The following NR5A2 variants were observed in gnomAD, a reference collection of about 807,000 sequenced individuals.
NR5A2 encodes the protein CYP7A promoter-binding factor.
Under a neutral mutation model 62.7 loss-of-function variants are expected in NR5A2, and 26 were observed. That is an observed-to-expected ratio of 0.41 (90% CI 0.30 to 0.58). The LOEUF (loss-of-function observed/expected upper bound fraction) is 0.58, where lower values mean the gene tolerates loss of function less well. Ranked by LOEUF, NR5A2 falls within the 20% of genes least tolerant of loss-of-function variation. NR5A2 has a pLI of 0.22. For synonymous variants in NR5A2, 246 were observed against 241.7 expected (o/e 1.02, Z -0.16); for missense variants, 541 against 669.1 (o/e 0.81, Z 2.11).
In NR5A2 at chr1:200,124,524, T is replaced by C. The variant is rs774388273; in HGVS notation, c.1378+3569T>C. Among the ~76,000 whole-genome samples the C allele has an allele frequency of 3.9e-5, 6 of 152,230 alleles. No homozygotes were observed. The South Asian group carries it at 6.2e-4, about 16-fold the overall frequency. ...AATGCCCTCTCAGCACATTTCTCTG[T>C]GTATAACATCATAGATTCTGTAGGC... On this transcript the variant is annotated intron_variant, in intron 7 of 7. Coordinates refer to ENST00000367362, the MANE Select transcript of NR5A2 (RefSeq NM_205860.3).
intron 5 of NR5A2, among the ~76,000 whole-genome samples, chr1:200,106,738 C>T (rs1284700834): frequency 1.3e-5 from 2 of 152,088 alleles, no homozygotes; most frequent in Non-Finnish European, 2.9e-5. Flanking sequence ...TTTTTCTACC[C>T]ACACCCCCAT....
rs1663586918 is a variant in NR5A2 at position 200,068,282 on chromosome 1, T to G, written c.1110+19464T>G. ...TTGGATTAGAAATCAAATCCAGGGA[T>G]TTATCTACAAAATTACAGATGAGCA... is the stretch of plus-strand genomic sequence containing the variant. On this transcript the variant is annotated intron_variant, in intron 5 of 7. Transcript: ENST00000367362. 7.2e-5 allele frequency among the ~76,000 whole-genome samples: 11 copies of G among 152,176 alleles called. No homozygotes were observed. In the South Asian group the frequency reaches 2.3e-3, roughly 32 times the overall value.
At chr1:200,117,610 ATATT>A (rs541924498) in intron 6 of NR5A2, among the ~76,000 whole-genome samples, 28 of 152,330 alleles carry the variant, frequency 1.8e-4, no homozygotes, top group African/African-American at 6.5e-4. Flanking sequence ...ATACACAACA[ATATT>A]TAATTAACTC....
intron 1 of NR5A2, chr1:200,029,793 C>T (rs1661484142): frequency 6.6e-6 from 1 of 152,186 alleles, no homozygotes; most frequent in Admixed American, 6.5e-5. Flanking sequence ...CAAGCACATC[C>T]CCTCCGCCTC....
intron 5 of NR5A2, among the ~76,000 whole-genome samples, chr1:200,098,124 C>T (rs1346213700): frequency 1.3e-5 from 2 of 152,126 alleles, no homozygotes; most frequent in African/African-American, 4.8e-5. Context: ...GGTGCCCATA[C>T]TCCACCCTGC....
At chr1:200,050,546 G>T (rs929379197) in intron 5 of NR5A2, among the ~76,000 whole-genome samples, 1 of 151,976 alleles carries the variant, frequency 6.6e-6, no homozygotes, top group African/African-American at 2.4e-5. Context: ...ACCCAGTACC[G>T]GGAGTCTGGC....
chr1:200,059,123 A>C (rs12410791), intron 5 of NR5A2, among the ~76,000 whole-genome samples: 9,452 of 151,918 alleles, frequency 0.062, 381 homozygotes, highest in African/African-American at 0.1. Context: ...AATAATAATA[A>C]TAATAATTAG....
intron 2 of NR5A2, chr1:200,042,864 G>T: frequency 2.0e-6 from 2 of 985,536 alleles, no homozygotes; most frequent in South Asian, 4.7e-5. Flanking sequence ...CGCCTTCGTG[G>T]GTCTGCGTCC....
At chr1:200,073,834 A>T (rs1663871450) in intron 5 of NR5A2, among the ~76,000 whole-genome samples, 1 of 152,182 alleles carries the variant, frequency 6.6e-6, no homozygotes, top group Non-Finnish European at 1.5e-5. Flanking sequence ...GTCGGTTAAG[A>T]TACCCAGTCC....
At chr1:200,111,652 C>T (rs1253589943) in intron 6 of NR5A2, among the ~76,000 whole-genome samples, 1 of 152,192 alleles carries the variant, frequency 6.6e-6, no homozygotes, top group African/African-American at 2.4e-5. Flanking sequence ...TAACCCAAGA[C>T]ACTTGTTTGT....
intron 2 of NR5A2, chr1:200,043,069 T>C: frequency 1.1e-6 from 1 of 913,848 alleles, no homozygotes; most frequent in Non-Finnish European, 1.3e-6. Flanking sequence ...TCTTCTGGTA[T>C]TTTTCCCCGT....
intron 5 of NR5A2, among the ~76,000 whole-genome samples, chr1:200,089,266 G>A (rs1383066144): frequency 6.6e-6 from 1 of 152,142 alleles, no homozygotes; most frequent in Non-Finnish European, 1.5e-5. Flanking sequence ...CCAGGCTGGA[G>A]TGCAGTGGCA....
rs80286282 is a variant in NR5A2, at chr1:200,129,437, C to A, written c.1378+8482C>A. On this transcript the variant is annotated intron_variant, in intron 7 of 7. Coordinates refer to ENST00000367362, the MANE Select transcript of NR5A2 (RefSeq NM_205860.3). ...GCTGTGTTAACATAGCCCAGAAAAC[C>A]ACGGCACTTCAATCAGAACGTCTTT... Among the ~76,000 whole-genome samples the A allele has an allele frequency of 3.2e-3, 493 of 152,276 alleles. 1 individual carries two copies. The highest frequency in any genetic ancestry group is 0.012 in the African/African-American group (482 of 41,550).
chr1:200,144,221 T>TCACA (rs755056555), intron 7 of NR5A2, among the ~76,000 whole-genome samples: 26 of 39,028 alleles, frequency 6.7e-4, no homozygotes, highest in Non-Finnish European at 1.0e-3. Context: ...TGTTTCTCTC[T>TCACA]CTCTCTCTCT....
At chr1:200,149,277 T>G (rs1372965767) in intron 7 of NR5A2, among the ~76,000 whole-genome samples, 2 of 152,206 alleles carry the variant, frequency 1.3e-5, no homozygotes, top group Admixed American at 1.3e-4. Context: ...GGCACACATA[T>G]TCAAAAGAGT....
At chr1:200,055,501 C>T (rs1662874779) in intron 5 of NR5A2, among the ~76,000 whole-genome samples, 1 of 152,128 alleles carries the variant, frequency 6.6e-6, no homozygotes, top group Non-Finnish European at 1.5e-5. Flanking sequence ...CCCTACTTTT[C>T]TATGGGAGAG....
intron 6 of NR5A2, among the ~76,000 whole-genome samples, chr1:200,118,663 GTATTAT>G (rs1234981323): frequency 2.0e-5 from 3 of 152,148 alleles, no homozygotes; most frequent in African/African-American, 4.8e-5. Flanking sequence ...AGTAAAATTT[GTATTAT>G]TATTATCTGA....
At chr1:200,042,330 G>A (rs182097356) in intron 2 of NR5A2, among the ~76,000 whole-genome samples, 1 of 152,232 alleles carries the variant, frequency 6.6e-6, no homozygotes, top group African/African-American at 2.4e-5. Flanking sequence ...GCAAAGTGCT[G>A]CAAGTGACCC....
intron 1 of NR5A2, among the ~76,000 whole-genome samples, chr1:200,034,216 G>A (rs975971348): frequency 6.6e-6 from 1 of 152,164 alleles, no homozygotes; most frequent in African/African-American, 2.4e-5. Flanking sequence ...ACTAGCGCCG[G>A]GATCGTCGTT....
Sources: gnomAD v4.1 joint callset for allele counts (sites outside exome capture counted in the v4.1 genomes callset) on GRCh38, gnomAD v4.1.1 for gene constraint, MANE v1.5 for transcripts, NCBI Gene and HGNC (gene_info 2026-07-23, HGNC 2026-07-21) for gene names.